Variants in WDR72 observed in about 807,000 individuals in gnomAD.
WDR72 encodes WD repeat-containing protein 72.
WDR72 carries 120 observed loss-of-function variants against 124.2 expected under a neutral mutation model. The ratio of observed to expected loss-of-function variants is 0.97; its 90% CI spans 0.83 to 1.12. The LOEUF (loss-of-function observed/expected upper bound fraction) is 1.12, where lower values mean the gene tolerates loss of function less well. Ranked by LOEUF, WDR72 falls within the 50% of genes most tolerant of loss-of-function variation. The pLI, the probability that WDR72 is intolerant of heterozygous loss-of-function variation, is 0.00. For missense variants in WDR72, 1,387 were observed against 1,278.8 expected (o/e 1.08, Z -1.29); for synonymous variants, 452 against 441.7 (o/e 1.02, Z -0.29).
At position 53,615,760 on chromosome 15, in the gene WDR72, T is replaced by G. The variant is rs750935469; in HGVS notation, c.2446A>C (p.Ile816Leu). ...AGCTTTAAAATATTGAGGTGCTTAA[T>G]GCAAAGATAATCTAAATCTTTATCC... ...GVDKDLDYLC[I>L]KHLNILKLQG... Residue 816 changes from isoleucine to leucine, a missense_variant, in exon 15 of 20, where the codon ATT becomes CTT. Transcript: ENST00000360509. 1 of 1,613,584 alleles carries G rather than the reference T, an allele frequency of 6.2e-7. No homozygotes were observed. The highest frequency in any genetic ancestry group is 1.7e-5 in the Admixed American group (1 of 59,902).
intron 14 of WDR72, among the ~76,000 whole-genome samples, chr15:53,623,914 A>G (rs2014106927): frequency 6.6e-6 from 1 of 152,178 alleles, no homozygotes. Flanking sequence ...TGTCGTTTAG[A>G]GTTGCATTTC....
intron 1 of WDR72, among the ~76,000 whole-genome samples, chr15:53,753,368 A>C (rs1279675447): frequency 6.6e-6 from 1 of 152,240 alleles, no homozygotes; most frequent in Non-Finnish European, 1.5e-5. Flanking sequence ...CTGTCCTAGC[A>C]ATCAGGAATA....
At chr15:53,750,010 G>A (rs2018736976) in intron 1 of WDR72, among the ~76,000 whole-genome samples, 1 of 152,160 alleles carries the variant, frequency 6.6e-6, no homozygotes, top group African/African-American at 2.4e-5. Flanking sequence ...AAGTGCTGAT[G>A]GAGAAGCTAC....
At chr15:53,717,878 T>C (rs745377061) in intron 3 of WDR72, among the ~76,000 whole-genome samples, 5 of 152,094 alleles carry the variant, frequency 3.3e-5, no homozygotes, top group East Asian at 1.9e-4. Context: ...AAAAGACATA[T>C]AATTCTATAA....
intron 18 of WDR72, among the ~76,000 whole-genome samples, chr15:53,559,025 A>ATCTCT (rs1490142643): frequency 6.6e-6 from 1 of 152,062 alleles, no homozygotes; most frequent in Non-Finnish European, 1.5e-5. Flanking sequence ...ACCTTGAAGC[A>ATCTCT]TCTCTTCAGT....
At chr15:53,726,264 G>GTATATATATATATA (rs34367324) in intron 2 of WDR72, among the ~76,000 whole-genome samples, 1,322 of 110,254 alleles carry the variant, frequency 0.012, 48 homozygotes, top group African/African-American at 0.058. Context: ...ATGTATGTGT[G>GTATATATATATATA]TATATATATA....
intron 14 of WDR72, among the ~76,000 whole-genome samples, chr15:53,639,583 A>ATATAT (rs1595812703): frequency 1.7e-4 from 11 of 65,072 alleles, no homozygotes; most frequent in Non-Finnish European, 3.3e-4. Context: ...GTTATAAATT[A>ATATAT]AAAATTATAT....
rs555249984 is a variant in WDR72, at chr15:53,747,338, A to G, written c.-13+12295T>C. 4.9e-4 allele frequency among the ~76,000 whole-genome samples: 74 copies of G among 152,348 alleles called. No individual in the cohort carries two copies. The South Asian group carries it at 0.015, about 31-fold the overall frequency. ...TTCTGTCTGGTCAACCCACTGGAACATGACTATTTCGGAATTAACCCCTAA... is the reference window on the plus strand; with the variant it reads ...TTCTGTCTGGTCAACCCACTGGAACGTGACTATTTCGGAATTAACCCCTAA... On this transcript the variant is annotated intron_variant, in intron 1 of 19. Transcript: ENST00000360509.
At chr15:53,578,287 G>A (rs1398289766) in intron 18 of WDR72, among the ~76,000 whole-genome samples, 1 of 152,084 alleles carries the variant, frequency 6.6e-6, no homozygotes, top group Non-Finnish European at 1.5e-5. Context: ...AGAAGTACAG[G>A]TTAGGTCACT....
chr15:53,738,132 A>G (rs185216323), intron 1 of WDR72, among the ~76,000 whole-genome samples: 35 of 152,316 alleles, frequency 2.3e-4, no homozygotes, highest in Admixed American at 2.2e-3. Context: ...GTTAAGACTC[A>G]AAAGTATGAA....
rs138991249 is a variant in WDR72 at position 53,722,837 on chromosome 15, A to T, written c.225T>A (p.Ser75=). 17 of 1,613,002 alleles carry T rather than the reference A, an allele frequency of 1.1e-5. No homozygotes were observed. The African/African-American group carries it at 2.2e-4, about 21-fold the overall frequency. Residue 75 remains serine, a synonymous_variant, in exon 3 of 20, where the codon TCT becomes TCA. Transcript: ENST00000360509. ...VTCLARARDF[S]KQPYIVSAAE... ...CAGCACTAACAATGTAGGGCTGTTT[A>T]GAGAAGTCCCTTGCTCTTGCCAAAC...
chr15:53,562,809 A>G (rs564824932), intron 18 of WDR72, among the ~76,000 whole-genome samples: 16 of 151,934 alleles, frequency 1.1e-4, no homozygotes, highest in African/African-American at 3.1e-4. Flanking sequence ...TTGGTATATG[A>G]TGGCAGGCAA....
At chr15:53,657,263 CAAAAAAAAAAAA>C (rs10549551) in intron 14 of WDR72, among the ~76,000 whole-genome samples, 1 of 56,400 alleles carries the variant, frequency 1.8e-5, no homozygotes, top group African/African-American at 7.7e-5. Context: ...GACTCCATCT[CAAAAAAAAAAAA>C]AAAAAAAAAA....
chr15:53,714,590 G>T, intron 5 of WDR72, 80 bp from the exon 6 acceptor site: 1 of 1,095,492 alleles, frequency 9.1e-7, no homozygotes, highest in Non-Finnish European at 1.4e-6. Flanking sequence ...AGTCATTTAA[G>T]AATTACGCAG....
chr15:53,536,191 C>A (rs1175919245), intron 18 of WDR72, among the ~76,000 whole-genome samples: 4 of 150,424 alleles, frequency 2.7e-5, no homozygotes, highest in Non-Finnish European at 5.9e-5. Flanking sequence ...GAGAGCCACC[C>A]CCTTTTTCCT....
chr15:53,560,822 TCTC>T (rs1894099647), intron 18 of WDR72, among the ~76,000 whole-genome samples: 3 of 151,672 alleles, frequency 2.0e-5, no homozygotes, highest in Admixed American at 2.0e-4. Context: ...ACTGCATTCT[TCTC>T]ATTATATTCA....
At chr15:53,617,560 A>T (rs1258275917) in intron 14 of WDR72, among the ~76,000 whole-genome samples, 1 of 151,846 alleles carries the variant, frequency 6.6e-6, no homozygotes, top group East Asian at 1.9e-4. Flanking sequence ...AAATTTGTCA[A>T]ATAAGGGTTA....
intron 18 of WDR72, among the ~76,000 whole-genome samples, chr15:53,578,737 TAAAAC>T (rs1360725461): frequency 5.3e-5 from 8 of 149,880 alleles, no homozygotes; most frequent in African/African-American, 1.8e-4. Context: ...AAATAAAACT[TAAAAC>T]AAACAAACAA....
At chr15:53,691,876 G>A (rs1241528258) in intron 13 of WDR72, among the ~76,000 whole-genome samples, 1 of 152,180 alleles carries the variant, frequency 6.6e-6, no homozygotes, top group Non-Finnish European at 1.5e-5. Context: ...TAGTTTGACA[G>A]ATTAAAGGTG....
Sources: gnomAD v4.1 joint callset for allele counts (sites outside exome capture counted in the v4.1 genomes callset) on GRCh38, gnomAD v4.1.1 for gene constraint, MANE v1.5 for transcripts, NCBI Gene and HGNC (gene_info 2026-07-23, HGNC 2026-07-21) for gene names.